HECW1: variants seen among roughly 807,000 people sequenced by gnomAD.
HECW1 encodes E3 ubiquitin-protein ligase HECW1.
HECW1 carries 61 observed loss-of-function variants against 182.3 expected under a neutral mutation model. The ratio of observed to expected loss-of-function variants is 0.33; its 90% CI spans 0.27 to 0.41. HECW1 has a LOEUF of 0.41. Among genes scored for constraint, HECW1 ranks in the 10% least tolerant of loss-of-function variants. HECW1 has a pLI of 1.00. For synonymous variants in HECW1, 859 were observed against 832.6 expected, an observed-to-expected ratio of 1.03 and a Z score of -0.55; for missense variants, 1,739 against 2,108.9, an observed-to-expected ratio of 0.82 and a Z score of 3.44.
At chr7:43,478,521 A>G (rs1448005517) in intron 16 of HECW1, among the ~76,000 whole-genome samples, 1 of 152,200 alleles carries the variant, frequency 6.6e-6, no homozygotes, top group African/African-American at 2.4e-5. Flanking sequence ...ACTTCCATCA[A>G]ACAATATCAT....
At chr7:43,361,289 C>T (rs1425583601) in intron 6 of HECW1, among the ~76,000 whole-genome samples, 3 of 152,176 alleles carry the variant, frequency 2.0e-5, no homozygotes, top group Admixed American at 6.5e-5. Context: ...TGTGCAATCA[C>T]AGTGAAGAAG....
At chr7:43,384,513 G>A (rs10246620) in intron 6 of HECW1, among the ~76,000 whole-genome samples, 21,016 of 152,070 alleles carry the variant, frequency 0.14, 1,587 homozygotes, top group South Asian at 0.25. Context: ...TAGGAAAAAA[G>A]ATGTTACATT....
At position 43,308,114 on chromosome 7, in the gene HECW1, CAT is replaced by C. The variant is rs543969580; in HGVS notation, c.28-3645_28-3644del. ...ATTATATATGTTATATATAATATAA[CAT>C]ATAATATATTTATATATAATATATT... On this transcript the variant is annotated intron_variant, in intron 3 of 29. Transcript: ENST00000395891. 2.3e-3 allele frequency among the ~76,000 whole-genome samples: 213 copies of C among 93,872 alleles called. 7 individuals are homozygous for C. The South Asian group carries it at 0.044, about 19-fold the overall frequency. The allele number at this position is 93,872 out of a possible 152,430, so 61.6% of individuals were successfully genotyped here.
At chr7:43,186,542 G>A (rs768932620) in intron 2 of HECW1, among the ~76,000 whole-genome samples, 4 of 151,968 alleles carry the variant, frequency 2.6e-5, no homozygotes, top group East Asian at 1.9e-4. Context: ...GGTGGAGGGC[G>A]CCTGTAGTCC....
chr7:43,552,734 A>G (rs773494299), intron 28 of HECW1, among the ~76,000 whole-genome samples: 2 of 152,202 alleles, frequency 1.3e-5, no homozygotes, highest in Non-Finnish European at 2.9e-5. Flanking sequence ...TGTTGTATGT[A>G]GCATGTTTCA....
intron 3 of HECW1, among the ~76,000 whole-genome samples, chr7:43,301,237 C>T (rs1372633001): frequency 6.6e-6 from 1 of 152,216 alleles, no homozygotes; most frequent in Non-Finnish European, 1.5e-5. Context: ...TCTGGAAGCT[C>T]AGCATGCTTC....
At position 43,326,274 on chromosome 7, in the gene HECW1, A is replaced by G. The variant is rs183981349; in HGVS notation, c.460+5532A>G. On this transcript the variant is annotated intron_variant, in intron 5 of 29. Transcript: ENST00000395891. The stretch of plus-strand genomic sequence containing the variant: ...AATCTAAGCAGCCAACCTTACTGAC[A>G]GTTTGTAATGACTCCCCCCTTGACC... Among the ~76,000 whole-genome samples the G allele has an allele frequency of 1.1e-4, 17 of 152,336 alleles. No individual in the cohort carries two copies. In the East Asian group the frequency reaches 1.9e-3, roughly 17 times the overall value.
At chr7:43,168,746 G>T (rs759219763) in intron 2 of HECW1, among the ~76,000 whole-genome samples, 1 of 152,136 alleles carries the variant, frequency 6.6e-6, no homozygotes, top group Non-Finnish European at 1.5e-5. Context: ...AATCAGTGAA[G>T]GAGGTGAACA....
At chr7:43,467,929 C>A (rs78183326) in intron 15 of HECW1, among the ~76,000 whole-genome samples, 217 of 152,156 alleles carry the variant, frequency 1.4e-3, no homozygotes, top group South Asian at 8.7e-3. Context: ...GTGGGATGCC[C>A]TGGGCTCAAT....
At chr7:43,491,338 G>A (rs1279711120) in intron 17 of HECW1, among the ~76,000 whole-genome samples, 1 of 152,144 alleles carries the variant, frequency 6.6e-6, no homozygotes, top group Admixed American at 6.5e-5. Flanking sequence ...AATTTGTTAG[G>A]ATATATAAGA....
rs1215771779 is a variant in HECW1 at position 43,174,808 on chromosome 7, G to T, written c.-32+60417G>T. Among the ~76,000 whole-genome samples the T allele has an allele frequency of 2.6e-5, 4 of 152,080 alleles. No individual in the cohort carries two copies. The East Asian group carries it at 7.7e-4, about 29-fold the overall frequency. ...GTCACTATGTCCCTTCCTTTACCACGTGTGGATAGTAAGCAAAGAAGAATG... is the reference window on the plus strand; with the variant it reads ...GTCACTATGTCCCTTCCTTTACCACTTGTGGATAGTAAGCAAAGAAGAATG... On this transcript the variant is annotated intron_variant, in intron 2 of 29. Transcript: ENST00000395891.
Position 43,341,180 on chromosome 7 carries a change from G to A in HECW1, c.461-19706G>A, listed in dbSNP as rs1339833771. Among the ~76,000 whole-genome samples the A allele has an allele frequency of 2.6e-5, 4 of 151,550 alleles. No homozygotes were observed. The South Asian group carries it at 8.3e-4, about 32-fold the overall frequency. On this transcript the variant is annotated intron_variant, in intron 5 of 29. Coordinates refer to ENST00000395891, the MANE Select transcript of HECW1 (RefSeq NM_015052.5). ...GTCATAGGGTTGGGGGGCAGGGGGA[G>A]GGATAGCATTAGGTGAAATATCTAA...
intron 2 of HECW1, among the ~76,000 whole-genome samples, chr7:43,160,429 T>C (rs1184259568): frequency 6.6e-6 from 1 of 152,212 alleles, no homozygotes; most frequent in Non-Finnish European, 1.5e-5. Context: ...TTCTAATACT[T>C]TTATGGTTTT....
At chr7:43,235,208 G>GC (rs1417342818) in intron 2 of HECW1, among the ~76,000 whole-genome samples, 1 of 152,072 alleles carries the variant, frequency 6.6e-6, no homozygotes. Context: ...GAGTTCCCCG[G>GC]CCCCCACACC....
intron 2 of HECW1, among the ~76,000 whole-genome samples, chr7:43,119,609 T>C (rs1270620724): frequency 6.6e-6 from 1 of 152,204 alleles, no homozygotes; most frequent in African/African-American, 2.4e-5. Flanking sequence ...AACTCCAGAC[T>C]TGAAAATGCA....
At chr7:43,425,973 T>C (rs920559601) in intron 8 of HECW1, among the ~76,000 whole-genome samples, 1 of 152,110 alleles carries the variant, frequency 6.6e-6, no homozygotes, top group Non-Finnish European at 1.5e-5. Flanking sequence ...AACAGAGTCA[T>C]GGGAAGGGAT....
chr7:43,521,893 A>C (rs1300150995), intron 24 of HECW1, among the ~76,000 whole-genome samples: 1 of 152,174 alleles, frequency 6.6e-6, no homozygotes, highest in African/African-American at 2.4e-5. Flanking sequence ...AACAACAGAA[A>C]AAGAAGTGAG....
chr7:43,154,377 C>T (rs1406585552), intron 2 of HECW1, among the ~76,000 whole-genome samples: 1 of 152,132 alleles, frequency 6.6e-6, no homozygotes, highest in African/African-American at 2.4e-5. Flanking sequence ...AGACCAATTT[C>T]ATTCACTCAT....
chr7:43,399,170 G>A (rs760193007), intron 7 of HECW1, among the ~76,000 whole-genome samples: 4 of 152,178 alleles, frequency 2.6e-5, no homozygotes, highest in Non-Finnish European at 5.9e-5. Context: ...GGCAAGAAGG[G>A]GGTTTGTTTC....
Sources: allele counts gnomAD v4.1 joint callset (sites outside exome capture counted in the v4.1 genomes callset), GRCh38; gene constraint gnomAD v4.1.1; transcripts MANE v1.5; gene names NCBI Gene and HGNC (gene_info 2026-07-23, HGNC 2026-07-21).